Variants in SYNE2 observed in about 807,000 individuals in gnomAD.
The protein encoded by SYNE2 is spectrin repeat containing nuclear envelope protein 2, also known as nesprin-2.
In SYNE2, 431 loss-of-function variants were observed where a neutral mutation model predicts 856.3. The observed-to-expected ratio is 0.50, with a 90% confidence interval of 0.47 to 0.55. The LOEUF (loss-of-function observed/expected upper bound fraction) is 0.55. SYNE2 is among the 20% of genes least tolerant of loss of function. SYNE2 has a pLI of 0.00. For synonymous variants in SYNE2, 2,923 were observed against 2,872.3 expected (o/e 1.02, Z -0.56); for missense variants, 8,129 against 8,023.2 (o/e 1.01, Z -0.50).
intron 6 of SYNE2, 31 bp from the exon 7 acceptor site, chr14:63,949,794 A>G (rs536114022): frequency 4.3e-6 from 7 of 1,613,506 alleles, no homozygotes; most frequent in African/African-American, 1.3e-5. Flanking sequence ...TTATGCTTTT[A>G]TAAACGTTAA....
At chr14:64,204,096 G>A (rs982760125) in intron 100 of SYNE2, among the ~76,000 whole-genome samples, 1 of 152,192 alleles carries the variant, frequency 6.6e-6, no homozygotes, top group African/African-American at 2.4e-5. Flanking sequence ...AAAGTGATAT[G>A]ATTTAGTAAT....
chr14:64,023,538 A>G (rs749851751), intron 38 of SYNE2: 2 of 152,672 alleles, frequency 1.3e-5, no homozygotes, highest in Non-Finnish European at 2.9e-5. Flanking sequence ...TTGTTTATAC[A>G]TCTTTTTCCA....
At chr14:63,806,070 G>A (rs1413188524) in intron 1 of SYNE2, among the ~76,000 whole-genome samples, 1 of 152,106 alleles carries the variant, frequency 6.6e-6, no homozygotes, top group Admixed American at 6.6e-5. Flanking sequence ...TTCTCAAGGG[G>A]AATGCTTCCA....
At chr14:63,787,711 G>A (rs1453626944) in intron 1 of SYNE2, among the ~76,000 whole-genome samples, 2 of 152,162 alleles carry the variant, frequency 1.3e-5, no homozygotes, top group African/African-American at 4.8e-5. Context: ...GCTGAGTTGG[G>A]GGCTTTTATG....
Position 63,811,137 on chromosome 14 carries a change from T to C in SYNE2, c.-304-41364T>C, listed in dbSNP as rs182622472. Among the ~76,000 whole-genome samples, 1,273 of 152,002 alleles carry C rather than the reference T, an allele frequency of 8.4e-3. 6 individuals are homozygous for C. Among genetic ancestry groups the C allele is most frequent in the Non-Finnish European group, 0.013 (901 of 67,924 alleles). ...GACGTGAGCCACCATGCCTGGCCTATAGTGAATATTCTTATTTTCATGGCA... is the reference window on the plus strand; with the variant it reads ...GACGTGAGCCACCATGCCTGGCCTACAGTGAATATTCTTATTTTCATGGCA... On this transcript the variant is annotated intron_variant, in intron 1 of 23. Transcript: ENST00000674003.
chr14:63,983,768 A>T lies in SYNE2; in HGVS notation c.2033A>T (p.Gln678Leu), dbSNP rs779539983. ...AACCTGCCACTGATGATAAAAAAAC[A>T]GGATCAGCCCACTTTTGACAATTCT... Reference protein sequence around the residue: ...EMNLPLMIKKQDQPTFDNSGN... With the variant: ...EMNLPLMIKKLDQPTFDNSGN... Residue 678 changes from glutamine (Q) to leucine (L), a missense_variant, in exon 18 of 116, where the codon CAG becomes CTG. Gln to Leu is a moderately radical substitution (Grantham distance 113). Around this residue, in one of 3 missense-constraint regions of SYNE2, gnomAD observed 2,422 missense variants for 2,357.4 expected, o/e 1.03. Transcript: ENST00000555002. The T allele has an allele frequency of 1.9e-6, 3 of 1,613,164 alleles. No homozygotes were observed. The highest frequency in any genetic ancestry group is 1.7e-6 in the Non-Finnish European group (2 of 1,179,312).
intron 1 of SYNE2, among the ~76,000 whole-genome samples, chr14:63,776,444 A>C (rs1297808353): frequency 2.0e-5 from 3 of 152,158 alleles, no homozygotes; most frequent in Admixed American, 2.0e-4. Context: ...TATTTATGTC[A>C]AAAATAGTAA....
At chr14:64,216,426 T>C in intron 108 of SYNE2, 39 bp downstream of exon 108, 1 of 1,602,656 alleles carries the variant, frequency 6.2e-7, no homozygotes, top group Non-Finnish European at 8.6e-7. Context: ...CCTATGTCTG[T>C]GAGTCATACT....
intron 1 of SYNE2, among the ~76,000 whole-genome samples, chr14:63,798,265 G>A (rs549252726): frequency 2.0e-5 from 3 of 152,034 alleles, no homozygotes; most frequent in African/African-American, 4.8e-5. Flanking sequence ...GCCCAGGATC[G>A]TCTCAAACTC....
chr14:63,821,037 C>T (rs550462413), intron 1 of SYNE2, among the ~76,000 whole-genome samples: 9 of 152,070 alleles, frequency 5.9e-5, no homozygotes, highest in South Asian at 2.1e-4. Context: ...CCACTGCACC[C>T]GGCCAGGAGA....
chr14:64,134,001 A>G, intron 77 of SYNE2, 68 bp from the exon 78 acceptor site: 1 of 1,574,798 alleles, frequency 6.4e-7, no homozygotes, highest in Non-Finnish European at 8.7e-7. Context: ...TTTTGTGATT[A>G]ATTATGTTGT....
chr14:64,158,616 T>C lies in SYNE2; in HGVS notation c.15793-9T>C. On this transcript the variant is annotated splice_polypyrimidine_tract_variant and intron_variant, in intron 85 of 115. Coordinates refer to ENST00000555002, the MANE Select transcript of SYNE2 (RefSeq NM_182914.3). ...TTTCTAAATCAGTACGTTTCCACTT[T>C]TTGTCTAGGTCAATCAGCTCAAAAC... 1 of 1,613,798 alleles carries C rather than the reference T, an allele frequency of 6.2e-7. No homozygotes were observed.
intron 49 of SYNE2, among the ~76,000 whole-genome samples, chr14:64,059,092 T>A (rs960975969): frequency 6.6e-6 from 1 of 152,186 alleles, no homozygotes; most frequent in African/African-American, 2.4e-5. Flanking sequence ...TTTCTTTGAT[T>A]TTCCTCAAAA....
At chr14:64,092,879 G>A (rs920550833) in intron 60 of SYNE2, among the ~76,000 whole-genome samples, 3 of 152,124 alleles carry the variant, frequency 2.0e-5, no homozygotes, top group African/African-American at 7.2e-5. Flanking sequence ...AGTCTGGACC[G>A]GGAAAACCCA....
At position 64,027,810 on chromosome 14, in the gene SYNE2, A is replaced by G. The variant is rs910718478; in HGVS notation, c.6714+17A>G. ...CAACTGCAGGTGAGGTGGTCAAAATAATGCTTTAAATGATTGTTCTAATTA... is the reference window on the plus strand; with the variant it reads ...CAACTGCAGGTGAGGTGGTCAAAATGATGCTTTAAATGATTGTTCTAATTA... On this transcript the variant is annotated intron_variant, in intron 43 of 115. Coordinates refer to ENST00000555002, the MANE Select transcript of SYNE2 (RefSeq NM_182914.3). 15 of 1,591,182 alleles carry G rather than the reference A, an allele frequency of 9.4e-6. No homozygotes were observed. In the African/African-American group the frequency reaches 1.6e-4, roughly 17 times the overall value.
intron 57 of SYNE2, among the ~76,000 whole-genome samples, chr14:64,085,766 A>C (rs2097556859): frequency 6.6e-6 from 1 of 152,184 alleles, no homozygotes; most frequent in Non-Finnish European, 1.5e-5. Context: ...ATGACTAATA[A>C]TTTTGAGCAT....
intron 1 of SYNE2, among the ~76,000 whole-genome samples, chr14:63,884,999 G>A (rs747476417): frequency 3.3e-5 from 5 of 152,110 alleles, no homozygotes; most frequent in Non-Finnish European, 5.9e-5. Context: ...AGCTTAATGT[G>A]GTGGATGCTG....
At chr14:64,213,950 C>CTTTTTTT in intron 105 of SYNE2, among the ~76,000 whole-genome samples, 1 of 152,078 alleles carries the variant, frequency 6.6e-6, no homozygotes, top group South Asian at 2.1e-4. Flanking sequence ...CAAACTTCAG[C>CTTTTTTT]TTTTTTTTCC....
intron 103 of SYNE2, 101 bp from the exon 104 acceptor site, chr14:64,211,860 A>G (rs1030427107): frequency 1.3e-6 from 2 of 1,552,560 alleles, no homozygotes; most frequent in African/African-American, 2.7e-5. Flanking sequence ...CTCCCTGAGT[A>G]TTCTGGGTAC....
Sources: gnomAD v4.1 joint callset for allele counts (sites outside exome capture counted in the v4.1 genomes callset) on GRCh38, gnomAD v4.1.1 for gene constraint, gnomAD v4.1.1 regional missense constraint, MANE v1.5 for transcripts, NCBI Gene and HGNC (gene_info 2026-07-23, HGNC 2026-07-21) for gene names.